Variants in NEO1 observed in about 807,000 individuals in gnomAD.
NEO1 encodes neogenin 1, also known as neogenin.
NEO1 carries 63 observed loss-of-function variants against 159.7 expected under a neutral mutation model. The observed-to-expected ratio is 0.39, with a 90% CI of 0.32 to 0.49. The LOEUF (loss-of-function observed/expected upper bound fraction) is 0.49. Ranked by LOEUF, NEO1 falls within the 20% of genes least tolerant of loss-of-function variation. The pLI is 0.85. For missense variants in NEO1, 1,615 were observed against 1,831.0 expected (o/e 0.88, Z 2.15); for synonymous variants, 633 against 662.0 (o/e 0.96, Z 0.67).
intron 1 of NEO1, among the ~76,000 whole-genome samples, chr15:73,087,424 C>A (rs551562785): frequency 6.6e-6 from 1 of 152,286 alleles, no homozygotes; most frequent in South Asian, 2.1e-4. Context: ...CATTGAAGAT[C>A]ATGCCATCTT....
chr15:73,214,152 T>C (rs1200357696), intron 7 of NEO1, among the ~76,000 whole-genome samples: 1 of 152,200 alleles, frequency 6.6e-6, no homozygotes, highest in African/African-American at 2.4e-5. Flanking sequence ...TTGTCGATTC[T>C]GGATGTTAGT....
intron 2 of NEO1, 33 bp downstream of exon 2, chr15:73,116,890 T>A (rs1372903759): frequency 6.8e-7 from 1 of 1,476,684 alleles, no homozygotes; most frequent in Non-Finnish European, 9.1e-7. Context: ...TTTTGCATTT[T>A]CAAATATTTA....
At chr15:73,149,786 A>G in intron 5 of NEO1, among the ~76,000 whole-genome samples, 1 of 152,226 alleles carries the variant, frequency 6.6e-6, no homozygotes, top group East Asian at 1.9e-4. Flanking sequence ...TGATACATGC[A>G]TTCAGTATTT....
chr15:73,095,640 C>T (rs537368602), intron 1 of NEO1, among the ~76,000 whole-genome samples: 219 of 150,068 alleles, frequency 1.5e-3, no homozygotes, highest in Admixed American at 2.9e-3. Flanking sequence ...GGTTCTATAG[C>T]ATTCACGAAA....
intron 7 of NEO1, among the ~76,000 whole-genome samples, chr15:73,186,581 T>G (rs978948689): frequency 1.3e-5 from 2 of 151,598 alleles, no homozygotes; most frequent in African/African-American, 4.9e-5. Context: ...CAAAATTTTT[T>G]TCTTCTTTTT....
chr15:73,261,706 C>T (rs1475750023), intron 15 of NEO1, among the ~76,000 whole-genome samples: 3 of 152,024 alleles, frequency 2.0e-5, no homozygotes, highest in East Asian at 3.8e-4. Context: ...GGTTGGAAGC[C>T]GTGATATTAC....
chr15:73,215,751 G>T (rs1446513178), intron 7 of NEO1, among the ~76,000 whole-genome samples: 2 of 151,974 alleles, frequency 1.3e-5, no homozygotes, highest in African/African-American at 4.8e-5. Context: ...TTCTTTTTTG[G>T]TTATGTCCTT....
At chr15:73,269,897 C>T in intron 16 of NEO1, 113 bp from the exon 17 acceptor site, 1 of 842,642 alleles carries the variant, frequency 1.2e-6, no homozygotes, top group Non-Finnish European at 1.9e-6. Flanking sequence ...AATTTTCTTT[C>T]TTTTTCTCCA....
At chr15:73,290,078 T>C (rs1483508309) in intron 25 of NEO1, among the ~76,000 whole-genome samples, 1 of 152,042 alleles carries the variant, frequency 6.6e-6, no homozygotes, top group Non-Finnish European at 1.5e-5. Context: ...AAGGTTGCAT[T>C]GAGCTATGAT....
intron 4 of NEO1, among the ~76,000 whole-genome samples, chr15:73,126,911 A>T (rs904476194): frequency 2.6e-5 from 4 of 152,028 alleles, no homozygotes; most frequent in Non-Finnish European, 5.9e-5. Flanking sequence ...CATTTTTTTG[A>T]TAGTAGTTTT....
chr15:73,182,794 G>C (rs934849161), intron 7 of NEO1, among the ~76,000 whole-genome samples: 2 of 152,150 alleles, frequency 1.3e-5, no homozygotes, highest in Admixed American at 1.3e-4. Context: ...AATTATGGGA[G>C]CTACAATTCA....
chr15:73,161,112 C>T (rs965848783), intron 5 of NEO1, among the ~76,000 whole-genome samples: 1 of 152,190 alleles, frequency 6.6e-6, no homozygotes, highest in African/African-American at 2.4e-5. Context: ...TTCACAGTAT[C>T]ACAAGCCAAT....
rs143101435 is a variant in NEO1 at position 73,197,334 on chromosome 15, G to A, written c.1291+18907G>A. Among the ~76,000 whole-genome samples, 1,304 of 152,180 alleles carry A rather than the reference G, an allele frequency of 8.6e-3. 22 individuals carry two copies. Among genetic ancestry groups the A allele is most frequent in the African/African-American group, 0.03 (1,232 of 41,508 alleles). On this transcript the variant is annotated intron_variant, in intron 7 of 28. Transcript: ENST00000261908. ...AGATTGTGCCACTGCATTCCAGCCTGGGTGACAGAGCGAGACTCCATCTCA... is the reference window on the plus strand; with the variant it reads ...AGATTGTGCCACTGCATTCCAGCCTAGGTGACAGAGCGAGACTCCATCTCA...
At chr15:73,162,246 T>A in intron 5 of NEO1, 1 of 216,960 alleles carries the variant, frequency 4.6e-6, no homozygotes, top group Non-Finnish European at 9.6e-6. Context: ...CTAAGTGCTG[T>A]TACCTGATAT....
intron 16 of NEO1, among the ~76,000 whole-genome samples, chr15:73,269,307 A>G (rs940867780): frequency 6.6e-6 from 1 of 152,130 alleles, no homozygotes; most frequent in African/African-American, 2.4e-5. Flanking sequence ...TTGTTTAGAA[A>G]TTGTACCCCT....
intron 1 of NEO1, among the ~76,000 whole-genome samples, chr15:73,055,569 C>T (rs2067654976): frequency 6.6e-6 from 1 of 152,126 alleles, no homozygotes; most frequent in African/African-American, 2.4e-5. Flanking sequence ...ACTCTGTTTG[C>T]CCTCAGTTGC....
At chr15:73,069,954 G>C (rs1217398616) in intron 1 of NEO1, among the ~76,000 whole-genome samples, 1 of 152,122 alleles carries the variant, frequency 6.6e-6, no homozygotes, top group African/African-American at 2.4e-5. Flanking sequence ...GACAGATTGA[G>C]TATAGTATAA....
intron 13 of NEO1, among the ~76,000 whole-genome samples, chr15:73,256,503 A>C (rs1033961850): frequency 6.6e-6 from 1 of 152,190 alleles, no homozygotes; most frequent in Non-Finnish European, 1.5e-5. Context: ...CTGTCTCAAA[A>C]AAAGTATAAT....
At chr15:73,239,218 G>A (rs963709753) in intron 8 of NEO1, among the ~76,000 whole-genome samples, 1 of 152,148 alleles carries the variant, frequency 6.6e-6, no homozygotes, top group African/African-American at 2.4e-5. Context: ...TGAGTTGACA[G>A]CTAGGAGGAA....
Sources: gnomAD v4.1 joint callset for allele counts (sites outside exome capture counted in the v4.1 genomes callset) on GRCh38, gnomAD v4.1.1 for gene constraint, MANE v1.5 for transcripts, NCBI Gene and HGNC (gene_info 2026-07-23, HGNC 2026-07-21) for gene names.